The following TTC7B variants were observed in gnomAD, a reference collection of about 807,000 sequenced individuals.
TTC7B encodes the protein tetratricopeptide repeat domain 7B.
A neutral mutation model predicts 106.8 loss-of-function variants in TTC7B; 28 were observed. That is an observed-to-expected ratio of 0.26 (90% CI 0.19 to 0.36). The LOEUF (loss-of-function observed/expected upper bound fraction) is 0.36, where lower values mean the gene tolerates loss of function less well. Ranked by LOEUF, TTC7B falls within the 10% of genes least tolerant of loss-of-function variation. TTC7B has a pLI of 1.00. For synonymous variants in TTC7B, 405 were observed against 430.6 expected (o/e 0.94, Z 0.74); for missense variants, 862 against 1,076.4 (o/e 0.80, Z 2.79).
intron 1 of TTC7B, among the ~76,000 whole-genome samples, chr14:90,804,250 C>T (rs1315153351): frequency 6.6e-6 from 1 of 151,684 alleles, no homozygotes; most frequent in Non-Finnish European, 1.5e-5. Context: ...AGGAGAATGG[C>T]GTGAACCCGG....
chr14:90,613,402 AT>A (rs1892948904), intron 16 of TTC7B, among the ~76,000 whole-genome samples: 1 of 152,178 alleles, frequency 6.6e-6, no homozygotes, highest in South Asian at 2.1e-4. Flanking sequence ...AAAAAAAAAA[AT>A]TAAAAATAAT....
chr14:90,526,078 T>C lies in TTC7B; in HGVS notation c.*15290A>G, dbSNP rs1889144163. 1.3e-5 allele frequency: 2 copies of C among 152,240 alleles called. No individual in the cohort carries two copies. The highest frequency in any genetic ancestry group is 2.4e-5 in the African/African-American group (1 of 41,470). 9.4% of individuals were successfully genotyped at this position (152,240 alleles called of 1,614,324 possible). On this transcript the variant is annotated 3_prime_UTR_variant, in exon 20 of 20. Coordinates refer to ENST00000328459, the MANE Select transcript of TTC7B (RefSeq NM_001010854.2). ...AGAGAGGAATTCCTGGATAATTCTA[T>C]GTCTAACTTTTTAAGAAACTGCCAA...
intron 19 of TTC7B, among the ~76,000 whole-genome samples, chr14:90,565,399 C>CTTTTTT (rs35307541): frequency 2.8e-5 from 3 of 107,604 alleles, no homozygotes; most frequent in African/African-American, 6.7e-5. Context: ...TCCTTTCTAG[C>CTTTTTT]TTTTTTTTTT....
At chr14:90,599,934 GA>G (rs997038156) in intron 17 of TTC7B, among the ~76,000 whole-genome samples, 13 of 150,304 alleles carry the variant, frequency 8.6e-5, no homozygotes, top group African/African-American at 1.2e-4. Context: ...TTCTTAACAG[GA>G]AAAAAAAAAT....
At chr14:90,812,244 C>G (rs114967842) in intron 1 of TTC7B, among the ~76,000 whole-genome samples, 3 of 152,116 alleles carry the variant, frequency 2.0e-5, no homozygotes, top group Non-Finnish European at 4.4e-5. Flanking sequence ...ATTTTAGACC[C>G]GGTGCCAGGT....
At position 90,665,538 on chromosome 14, in the gene TTC7B, C is replaced by T. The variant is rs567015301; in HGVS notation, c.1153-7151G>A. Among the ~76,000 whole-genome samples, 22 of 152,302 alleles carry T rather than the reference C, an allele frequency of 1.4e-4. No individual in the cohort carries two copies. In the South Asian group the frequency reaches 2.5e-3, roughly 17 times the overall value. On this transcript the variant is annotated intron_variant, in intron 9 of 19. Coordinates refer to ENST00000328459, the MANE Select transcript of TTC7B (RefSeq NM_001010854.2). ...GTTACACAAACTGGGTGCGCGGCAG[C>T]GACAGCTGTACAGTACCACAAGCAC...
chr14:90,637,021 A>G (rs1884973785), intron 15 of TTC7B, among the ~76,000 whole-genome samples: 1 of 151,656 alleles, frequency 6.6e-6, no homozygotes, highest in African/African-American at 2.4e-5. Context: ...AAAACAGAAG[A>G]TAGAAAATAA....
intron 1 of TTC7B, among the ~76,000 whole-genome samples, chr14:90,789,392 C>T (rs1891502151): frequency 1.3e-5 from 2 of 152,188 alleles, no homozygotes; most frequent in East Asian, 1.9e-4. Flanking sequence ...GCCACTATAC[C>T]CGGCCTTAAT....
chr14:90,616,710 A>C (rs898673510), intron 16 of TTC7B, among the ~76,000 whole-genome samples: 1 of 152,154 alleles, frequency 6.6e-6, no homozygotes, highest in African/African-American at 2.4e-5. Flanking sequence ...CTGCAGAAAC[A>C]TTTGTAAAAC....
intron 5 of TTC7B, among the ~76,000 whole-genome samples, chr14:90,703,848 G>A (rs892172905): frequency 2.6e-5 from 4 of 152,228 alleles, no homozygotes; most frequent in Non-Finnish European, 5.9e-5. Context: ...GTGCCGATGG[G>A]ATTGTCACAC....
At chr14:90,580,674 G>A (rs989605741) in intron 18 of TTC7B, among the ~76,000 whole-genome samples, 3 of 152,182 alleles carry the variant, frequency 2.0e-5, no homozygotes, top group African/African-American at 4.8e-5. Context: ...TATGGCCTGT[G>A]CCTGTAAAGC....
At chr14:90,786,400 C>A (rs757109080) in intron 1 of TTC7B, 72 bp from the exon 2 acceptor site, 506 of 1,577,326 alleles carry the variant, frequency 3.2e-4, no homozygotes, top group Non-Finnish European at 4.1e-4. Context: ...ACTCAAGGGA[C>A]CCCAGAACCA....
At chr14:90,714,725 G>A (rs1740312235) in intron 5 of TTC7B, among the ~76,000 whole-genome samples, 1 of 152,062 alleles carries the variant, frequency 6.6e-6, no homozygotes, top group Non-Finnish European at 1.5e-5. Context: ...CCAAAGTGCT[G>A]AGATTATAGG....
chr14:90,694,530 G>A (rs1014494550), intron 6 of TTC7B, among the ~76,000 whole-genome samples: 2 of 147,208 alleles, frequency 1.4e-5, no homozygotes, highest in African/African-American at 5.0e-5. Context: ...TTATGACACA[G>A]AAGTGAAAGG....
intron 7 of TTC7B, 90 bp from the exon 8 acceptor site, chr14:90,680,625 T>C: frequency 1.1e-6 from 1 of 881,326 alleles, no homozygotes; most frequent in Non-Finnish European, 1.8e-6. Context: ...TTCCAGAATT[T>C]TATATAATAC....
intron 9 of TTC7B, among the ~76,000 whole-genome samples, chr14:90,661,076 G>A (rs763932524): frequency 5.3e-5 from 8 of 152,326 alleles, no homozygotes; most frequent in African/African-American, 1.2e-4. Context: ...CTTCACAGCC[G>A]GAAGTAGGGT....
chr14:90,721,747 T>C (rs1888906177), intron 5 of TTC7B, among the ~76,000 whole-genome samples: 1 of 152,170 alleles, frequency 6.6e-6, no homozygotes, highest in African/African-American at 2.4e-5. Context: ...TGTGTGACCC[T>C]GAAGAAAATC....
intron 11 of TTC7B, among the ~76,000 whole-genome samples, chr14:90,656,395 A>G (rs1281069368): frequency 2.0e-5 from 3 of 152,202 alleles, no homozygotes; most frequent in Non-Finnish European, 4.4e-5. Context: ...AATTAGACTG[A>G]GTTTTCTATT....
chr14:90,733,506 G>T (rs1657497031), intron 4 of TTC7B, among the ~76,000 whole-genome samples: 1 of 152,230 alleles, frequency 6.6e-6, no homozygotes, highest in Admixed American at 6.5e-5. Context: ...GGCTTACCCT[G>T]AAGTCTAAGC....
Sources: gnomAD v4.1 joint callset for allele counts (sites outside exome capture counted in the v4.1 genomes callset) on GRCh38, gnomAD v4.1.1 for gene constraint, MANE v1.5 for transcripts, NCBI Gene and HGNC (gene_info 2026-07-23, HGNC 2026-07-21) for gene names.